The following NIT2 variants were observed in gnomAD, a reference collection of about 807,000 sequenced individuals.
NIT2 encodes omega-amidase NIT2.
A neutral mutation model predicts 42.7 loss-of-function variants in NIT2; 46 were observed. The observed-to-expected ratio is 1.08, with a 90% confidence interval of 0.85 to 1.38. The LOEUF (loss-of-function observed/expected upper bound fraction) is 1.38. Ranked by LOEUF, NIT2 falls within the 40% of genes most tolerant of loss-of-function variation. The pLI, the probability that NIT2 is intolerant of heterozygous loss-of-function variation, is 0.00. For synonymous variants in NIT2, 123 were observed against 121.9 expected (o/e 1.01, Z -0.06); for missense variants, 309 against 342.5 (o/e 0.90, Z 0.77).
rs923799326 is a variant in NIT2 at position 100,356,278 on chromosome 3, T to G, written c.*1010T>G. ...CAACCAGCTATTTGAGAAAAAGCCC[T>G]GATTTTGCTGCTTTTCATGGTGTAA... is the stretch of plus-strand genomic sequence containing the variant. On this transcript the variant is annotated 3_prime_UTR_variant, in exon 10 of 10. Coordinates refer to ENST00000394140, the MANE Select transcript of NIT2 (RefSeq NM_020202.5). 5 of 152,230 alleles carry G rather than the reference T, an allele frequency of 3.3e-5. No homozygotes were observed. Among genetic ancestry groups the G allele is most frequent in the Non-Finnish European group, 5.9e-5 (4 of 68,044 alleles). 9.4% of individuals were successfully genotyped at this position (152,230 alleles called of 1,614,324 possible).
At chr3:100,335,676 G>C (rs1272436058) in intron 1 of NIT2, among the ~76,000 whole-genome samples, 3 of 152,204 alleles carry the variant, frequency 2.0e-5, no homozygotes, top group African/African-American at 7.2e-5. Flanking sequence ...AGCCATCAGC[G>C]TAGCCATGGT....
chr3:100,343,004 T>G (rs1402864286), intron 4 of NIT2, among the ~76,000 whole-genome samples: 2 of 152,084 alleles, frequency 1.3e-5, no homozygotes, highest in East Asian at 3.8e-4. Context: ...GAATAGAATT[T>G]TGGATTGATA....
At position 100,360,235 on chromosome 3, in the gene NIT2, T is replaced by C. The variant is rs1576206279; in HGVS notation, c.*4967T>C. On this transcript the variant is annotated 3_prime_UTR_variant, in exon 10 of 10. Coordinates refer to ENST00000394140, the MANE Select transcript of NIT2 (RefSeq NM_020202.5). ...GATCTGGGAAGAGCCTGGGACGTGATGTAACTTCATATGCTGTAGAGCTGA... is the reference window on the plus strand; with the variant it reads ...GATCTGGGAAGAGCCTGGGACGTGACGTAACTTCATATGCTGTAGAGCTGA... The C allele has an allele frequency of 6.6e-6, 1 of 152,398 alleles. No homozygotes were observed. Among genetic ancestry groups the C allele is most frequent in the East Asian group, 1.9e-4 (1 of 5,184 alleles). The allele number at this position is 152,398 out of a possible 1,614,324, so 9.4% of individuals were successfully genotyped here. A position where few individuals can be genotyped will look rare whatever the true frequency, so the allele number is the denominator to read the frequency against.
intron 1 of NIT2, 47 bp downstream of exon 1, chr3:100,334,845 G>C (rs1449663074): frequency 1.1e-5 from 14 of 1,295,736 alleles, no homozygotes; most frequent in Non-Finnish European, 1.4e-5. Flanking sequence ...GGCCGCGGGG[G>C]AGGCTTTGGA....
At chr3:100,341,346 TGTCA>T (rs1263591641) in intron 4 of NIT2, among the ~76,000 whole-genome samples, 185 bp downstream of exon 4, 1 of 152,198 alleles carries the variant, frequency 6.6e-6, no homozygotes, top group Non-Finnish European at 1.5e-5. Flanking sequence ...AGACTCAGCC[TGTCA>T]ATTTCTGCAA....
intron 1 of NIT2, among the ~76,000 whole-genome samples, chr3:100,335,479 G>C (rs959419498): frequency 1.3e-5 from 2 of 152,208 alleles, no homozygotes; most frequent in African/African-American, 4.8e-5. Flanking sequence ...TATTAGGGCA[G>C]CCTTAAAAGT....
rs1486023834 is a variant in NIT2, at chr3:100,339,947, C to T, written c.247+12C>T. ...ATATCTCATTGGAGGTAACTTCCTA[C>T]CCACAAGGTATAATGACCTAAACAT... is the stretch of plus-strand genomic sequence containing the variant. On this transcript the variant is annotated intron_variant, in intron 3 of 9. Coordinates refer to ENST00000394140, the MANE Select transcript of NIT2 (RefSeq NM_020202.5). The T allele has an allele frequency of 1.2e-6, 2 of 1,609,042 alleles. No homozygotes were observed. The highest frequency in any genetic ancestry group is 2.2e-5 in the South Asian group (2 of 89,914).
intron 7 of NIT2, among the ~76,000 whole-genome samples, chr3:100,351,832 TG>T (rs1474711295): frequency 6.6e-6 from 1 of 151,976 alleles, no homozygotes; most frequent in Non-Finnish European, 1.5e-5. Flanking sequence ...ACCTACAAAA[TG>T]GGAGAAAATT....
chr3:100,338,629 T>G (rs1706106385), intron 1 of NIT2, among the ~76,000 whole-genome samples: 1 of 152,204 alleles, frequency 6.6e-6, no homozygotes, highest in Non-Finnish European at 1.5e-5. Context: ...ACTCAGTATA[T>G]GGATTGGAGG....
intron 8 of NIT2, among the ~76,000 whole-genome samples, chr3:100,353,566 G>C (rs529305518): frequency 3.3e-4 from 50 of 152,292 alleles, no homozygotes; most frequent in African/African-American, 1.0e-3. Context: ...CAGGGCAAAT[G>C]GGGAAGAATC....
At chr3:100,346,118 C>T (rs1169177937) in intron 5 of NIT2, 63 bp from the exon 6 acceptor site, 40 of 1,301,604 alleles carry the variant, frequency 3.1e-5, no homozygotes, top group Non-Finnish European at 4.4e-5. Context: ...TGGAGGATTT[C>T]CCCTGCCACA....
chr3:100,354,564 T>C (rs1706305849), intron 8 of NIT2, among the ~76,000 whole-genome samples: 2 of 152,224 alleles, frequency 1.3e-5, no homozygotes, highest in Non-Finnish European at 2.9e-5. Context: ...TTATTTCCAC[T>C]TTATAGATTA....
At position 100,346,205 on chromosome 3, in the gene NIT2, T is replaced by A. The variant is rs762045372; in HGVS notation, c.455T>A (p.Ile152Asn). 6.2e-7 allele frequency: 1 copy of A among 1,614,172 alleles called. No homozygotes were observed. The highest frequency in any genetic ancestry group is 2.2e-5 in the East Asian group (1 of 44,878). Residue 152 changes from isoleucine (I) to asparagine (N), a missense_variant, in exon 6 of 10, where the codon ATC becomes AAC. Transcript: ENST00000394140. ...GCTTACTGCAGAGTGGGTCTGGGCATCTGCTACGACATGCGGTTTGCAGAG... is the reference window on the plus strand; with the variant it reads ...GCTTACTGCAGAGTGGGTCTGGGCAACTGCTACGACATGCGGTTTGCAGAG... Reference protein sequence around the residue: ...DTPYCRVGLGICYDMRFAELA... With the variant: ...DTPYCRVGLGNCYDMRFAELA...
chr3:100,359,294 A>C lies in NIT2; in HGVS notation c.*4026A>C, dbSNP rs1473994299. The stretch of plus-strand genomic sequence containing the variant: ...CAGTAATTCCAAATGTTGTCATCCT[A>C]GCTCTTCCTGAAGCATATTGAATCC... On this transcript the variant is annotated 3_prime_UTR_variant, in exon 10 of 10. Coordinates refer to ENST00000394140, the MANE Select transcript of NIT2 (RefSeq NM_020202.5). The C allele has an allele frequency of 6.6e-6, 1 of 152,220 alleles. No homozygotes were observed. Among genetic ancestry groups the C allele is most frequent in the East Asian group, 1.9e-4 (1 of 5,196 alleles). The allele number at this position is 152,220 out of a possible 1,614,324, so 9.4% of individuals were successfully genotyped here. A position where few individuals can be genotyped will look rare whatever the true frequency, so the allele number is the denominator to read the frequency against.
At position 100,361,359 on chromosome 3, in the gene NIT2, G is replaced by GACA. The variant is rs1706383583; in HGVS notation, c.*6095_*6097dup. ...GGTAAGCTGTTTCATAGCCTTCCAG[G>GACA]ACAACACTTGCACAGGTTATCTTTA... On this transcript the variant is annotated 3_prime_UTR_variant, in exon 10 of 10. Transcript: ENST00000394140. 6.6e-6 allele frequency: 1 copy of GACA among 152,090 alleles called. No individual in the cohort carries two copies. Among genetic ancestry groups the GACA allele is most frequent in the Non-Finnish European group, 1.5e-5 (1 of 68,020 alleles). 9.4% of individuals were successfully genotyped at this position (152,090 alleles called of 1,614,324 possible).
At chr3:100,345,842 A>G in intron 5 of NIT2, 164 bp downstream of exon 5, 1 of 620,730 alleles carries the variant, frequency 1.6e-6, no homozygotes, top group Non-Finnish European at 2.8e-6. Flanking sequence ...GGCTTATTTG[A>G]GAACTAAGGA....
Position 100,345,598 on chromosome 3 carries a change from A to G in NIT2, c.350A>G (p.Asp117Gly), listed in dbSNP as rs759686349. The change falls in exon 5 of 10, where the codon GAC (aspartate) becomes GGC (glycine). Residue 117 changes from aspartate (D) to glycine (G), a missense_variant. Asp to Gly is a moderately conservative substitution (Grantham distance 94). Coordinates refer to ENST00000394140, the MANE Select transcript of NIT2 (RefSeq NM_020202.5). ...TTTGTGATGCAGATCCATCTGTTTG[A>G]CATTGATGTTCCTGGAAAAATTACA... ...LAKYRKIHLF[D>G]IDVPGKITFQ... is the part of the protein sequence containing the mutation. 5.0e-6 allele frequency: 8 copies of G among 1,610,188 alleles called. No homozygotes were observed. Among genetic ancestry groups the G allele is most frequent in the South Asian group, 1.1e-5 (1 of 90,732 alleles).
intron 1 of NIT2, among the ~76,000 whole-genome samples, chr3:100,338,167 A>G (rs993681943): frequency 2.6e-5 from 4 of 152,340 alleles, no homozygotes; most frequent in South Asian, 2.1e-4. Flanking sequence ...TATAGCTACT[A>G]CCTCCAGGAA....
intron 8 of NIT2, 140 bp downstream of exon 8, chr3:100,352,642 T>C: frequency 3.5e-6 from 2 of 576,406 alleles, no homozygotes; most frequent in Non-Finnish European, 6.4e-6. Context: ...GCCAGCTTTC[T>C]GCCTGTCTCT....
Sources: gnomAD v4.1 joint callset for allele counts (sites outside exome capture counted in the v4.1 genomes callset) on GRCh38, gnomAD v4.1.1 for gene constraint, MANE v1.5 for transcripts, NCBI Gene and HGNC (gene_info 2026-07-23, HGNC 2026-07-21) for gene names.